NXPH1: variants seen among roughly 807,000 people sequenced by gnomAD.
NXPH1 encodes neurexophilin 1.
A neutral mutation model predicts 23.7 loss-of-function variants in NXPH1; 5 were observed. The observed-to-expected ratio is 0.21, with a 90% CI of 0.11 to 0.44. The LOEUF is 0.44. Ranked by LOEUF, NXPH1 falls within the 20% of genes least tolerant of loss-of-function variation. NXPH1 has a pLI of 0.99. For missense variants in NXPH1, 324 were observed against 321.6 expected (o/e 1.01, Z -0.06); for synonymous variants, 144 against 122.2 (o/e 1.18, Z -1.18).
intron 2 of NXPH1, among the ~76,000 whole-genome samples, chr7:8,608,118 A>G (rs1421372565): frequency 2.0e-5 from 3 of 152,144 alleles, no homozygotes; most frequent in Non-Finnish European, 4.4e-5. Flanking sequence ...ACTGTGGGAG[A>G]ATACATTTCC....
chr7:8,655,378 GTCTC>G lies in NXPH1; in HGVS notation c.55-95628_55-95625del, dbSNP rs1305307070. ...CCAGCCTGGGTGACAAAGGGAGTCT[GTCTC>G]TGTCTTTGTCTTTGTCTTTCTCTCT... On this transcript the variant is annotated intron_variant, in intron 2 of 2. Coordinates refer to ENST00000405863, the MANE Select transcript of NXPH1 (RefSeq NM_152745.3). 1.9e-4 allele frequency among the ~76,000 whole-genome samples: 26 copies of G among 136,836 alleles called. No homozygotes were observed. In the South Asian group the frequency reaches 6.4e-3, roughly 34 times the overall value. The allele number at this position is 136,836 out of a possible 152,430, so 89.8% of individuals were successfully genotyped here.
At chr7:8,561,351 G>GAC (rs61219039) in intron 2 of NXPH1, among the ~76,000 whole-genome samples, 2,238 of 140,936 alleles carry the variant, frequency 0.016, 24 homozygotes, top group Non-Finnish European at 0.02. Context: ...AAGCCTATGT[G>GAC]ACACACACAC....
intron 2 of NXPH1, among the ~76,000 whole-genome samples, chr7:8,663,524 T>C (rs1016269485): frequency 6.6e-6 from 1 of 152,068 alleles, no homozygotes; most frequent in African/African-American, 2.4e-5. Flanking sequence ...AAACAAATAA[T>C]AGCTAAAGCC....
intron 2 of NXPH1, among the ~76,000 whole-genome samples, chr7:8,478,476 C>T (rs921254613): frequency 1.3e-5 from 2 of 151,738 alleles, no homozygotes; most frequent in Admixed American, 6.6e-5. Context: ...GTAAAATGGA[C>T]AAATTTTAAG....
intron 2 of NXPH1, among the ~76,000 whole-genome samples, chr7:8,535,643 A>G (rs1201902086): frequency 6.6e-6 from 1 of 152,000 alleles, no homozygotes; most frequent in Admixed American, 6.6e-5. Context: ...AATCCTAACT[A>G]TATGCCATTC....
intron 2 of NXPH1, among the ~76,000 whole-genome samples, chr7:8,584,236 C>G (rs1261457302): frequency 6.6e-6 from 1 of 152,096 alleles, no homozygotes; most frequent in Non-Finnish European, 1.5e-5. Flanking sequence ...CCTAGATAGT[C>G]AGACTGTAGA....
intron 2 of NXPH1, among the ~76,000 whole-genome samples, chr7:8,582,990 A>G (rs1818910094): frequency 6.6e-6 from 1 of 152,166 alleles, no homozygotes; most frequent in Non-Finnish European, 1.5e-5. Flanking sequence ...GCCTGTTGGC[A>G]CCCAAAGTCT....
At chr7:8,546,625 C>A (rs895735704) in intron 2 of NXPH1, among the ~76,000 whole-genome samples, 57 of 151,334 alleles carry the variant, frequency 3.8e-4, no homozygotes, top group African/African-American at 1.4e-3. Context: ...AAACCACTAA[C>A]TTAGGTTGCA....
At chr7:8,469,714 G>A (rs1249071284) in intron 2 of NXPH1, among the ~76,000 whole-genome samples, 4 of 152,056 alleles carry the variant, frequency 2.6e-5, no homozygotes, top group South Asian at 4.1e-4. Flanking sequence ...TATGATGAGG[G>A]TAAAATACAC....
chr7:8,616,120 G>C (rs1338948193), intron 2 of NXPH1, among the ~76,000 whole-genome samples: 1 of 151,726 alleles, frequency 6.6e-6, no homozygotes, highest in African/African-American at 2.4e-5. Flanking sequence ...TTGTTTTATA[G>C]ACCCCTATGT....
At chr7:8,586,509 G>T (rs1818984326) in intron 2 of NXPH1, among the ~76,000 whole-genome samples, 1 of 152,002 alleles carries the variant, frequency 6.6e-6, no homozygotes, top group African/African-American at 2.4e-5. Context: ...TTCCAAAGAA[G>T]ACATGAGTTT....
At chr7:8,493,550 T>C (rs1363906521) in intron 2 of NXPH1, among the ~76,000 whole-genome samples, 1 of 152,072 alleles carries the variant, frequency 6.6e-6, no homozygotes, top group Non-Finnish European at 1.5e-5. Context: ...AGCAGAAAAC[T>C]GGAGAGTAGT....
At chr7:8,750,949 C>A in intron 2 of NXPH1, 59 bp from the exon 3 acceptor site, 1 of 1,498,810 alleles carries the variant, frequency 6.7e-7, no homozygotes, top group Non-Finnish European at 9.2e-7. Flanking sequence ...TAGATCTATG[C>A]ATTGGGTGTT....
chr7:8,642,711 A>C (rs1356804412), intron 2 of NXPH1, among the ~76,000 whole-genome samples: 1 of 151,748 alleles, frequency 6.6e-6, no homozygotes, highest in African/African-American at 2.4e-5. Flanking sequence ...CATATTCCTT[A>C]TTTTTCTTGT....
At chr7:8,679,369 T>TG (rs958905308) in intron 2 of NXPH1, among the ~76,000 whole-genome samples, 1 of 152,190 alleles carries the variant, frequency 6.6e-6, no homozygotes, top group Non-Finnish European at 1.5e-5. Flanking sequence ...TTCAAGGAAT[T>TG]GGGGTGCCGC....
chr7:8,710,802 A>G (rs1251182336), intron 2 of NXPH1, among the ~76,000 whole-genome samples: 1 of 138,244 alleles, frequency 7.2e-6, no homozygotes, highest in East Asian at 2.2e-4. Context: ...AGCTGGGACT[A>G]CAGGCGCCCG....
intron 2 of NXPH1, among the ~76,000 whole-genome samples, chr7:8,730,700 C>T (rs947178978): frequency 4.6e-5 from 7 of 152,080 alleles, no homozygotes; most frequent in Non-Finnish European, 7.4e-5. Context: ...GAGTTTCTGC[C>T]GAGAGATCCG....
At chr7:8,643,182 T>C (rs1820345386) in intron 2 of NXPH1, among the ~76,000 whole-genome samples, 1 of 152,046 alleles carries the variant, frequency 6.6e-6, no homozygotes, top group African/African-American at 2.4e-5. Flanking sequence ...CTTTTATAAG[T>C]GAAGGACACT....
Position 8,443,801 on chromosome 7 carries a change from C to A in NXPH1, c.54+8034C>A, listed in dbSNP as rs150100491. On this transcript the variant is annotated intron_variant, in intron 2 of 2. Coordinates refer to ENST00000405863, the MANE Select transcript of NXPH1 (RefSeq NM_152745.3). ...CAGCGTGAAATCTATCATCATTAGA[C>A]CCGGGATGGAGCGGCGGGGGGGAGT... Among the ~76,000 whole-genome samples, 792 of 152,298 alleles carry A rather than the reference C, an allele frequency of 5.2e-3. 7 individuals are homozygous for A. The highest frequency in any genetic ancestry group is 0.018 in the African/African-American group (765 of 41,552).
Sources: gnomAD v4.1 joint callset for allele counts (sites outside exome capture counted in the v4.1 genomes callset) on GRCh38, gnomAD v4.1.1 for gene constraint, MANE v1.5 for transcripts, NCBI Gene and HGNC (gene_info 2026-07-23, HGNC 2026-07-21) for gene names.